Variants in LRRC37A2 observed in about 807,000 individuals in gnomAD.
LRRC37A2 encodes leucine-rich repeat-containing protein 37A2.
Under a neutral mutation model 68.8 loss-of-function variants are expected in LRRC37A2, and 9 were observed. The observed-to-expected ratio is 0.13, with a 90% CI of 0.08 to 0.23. LRRC37A2 has a LOEUF of 0.23. Ranked by LOEUF, LRRC37A2 falls within the 10% of genes least tolerant of loss-of-function variation. The pLI is 1.00. For synonymous variants in LRRC37A2, 63 were observed against 367.6 expected (o/e 0.17, Z 9.48); for missense variants, 168 against 950.4 (o/e 0.18, Z 10.82).
the LRRC37A2 span, chr17:46,872,454 C>T: frequency 7.0e-7 from 1 of 1,430,932 alleles, no homozygotes; most frequent in South Asian, 1.7e-5. Flanking sequence ...GGCCCCTTCC[C>T]TTCATTTGCC....
At chr17:46,827,680 C>A in the LRRC37A2 span, among the ~76,000 whole-genome samples, 1 of 152,198 alleles carries the variant, frequency 6.6e-6, no homozygotes, top group Admixed American at 6.5e-5. Flanking sequence ...CCTCACCCAT[C>A]ATGTCTAGTG....
At chr17:47,015,793 T>C in the LRRC37A2 span, among the ~76,000 whole-genome samples, 1 of 152,128 alleles carries the variant, frequency 6.6e-6, no homozygotes, top group African/African-American at 2.4e-5. Context: ...TAATTCAATT[T>C]AAATAAAACC....
the LRRC37A2 span, among the ~76,000 whole-genome samples, chr17:46,995,807 C>T: frequency 6.6e-6 from 1 of 152,214 alleles, no homozygotes; most frequent in South Asian, 2.1e-4. Flanking sequence ...CTCAACCCAA[C>T]TGAATCCTAT....
At chr17:47,004,718 C>A in the LRRC37A2 span, among the ~76,000 whole-genome samples, 3 of 152,166 alleles carry the variant, frequency 2.0e-5, no homozygotes, top group African/African-American at 7.2e-5. Context: ...TTTGTAGAGA[C>A]AGCGTCTCAC....
the LRRC37A2 span, among the ~76,000 whole-genome samples, chr17:46,691,918 A>G: frequency 6.6e-6 from 1 of 151,098 alleles, no homozygotes; most frequent in African/African-American, 2.5e-5. Context: ...ACACCCAGCT[A>G]ATTTTTGTAT....
At chr17:46,394,756 CAT>C in the LRRC37A2 span, among the ~76,000 whole-genome samples, 3 of 19,688 alleles carry the variant, frequency 1.5e-4, no homozygotes, top group East Asian at 1.7e-3. Context: ...AAAAACTAAA[CAT>C]AGAATAACTC....
the LRRC37A2 span, among the ~76,000 whole-genome samples, chr17:46,696,370 TC>T: frequency 1.4e-5 from 2 of 140,806 alleles, 1 homozygote; most frequent in African/African-American, 5.8e-5. Flanking sequence ...AGTCTAACCC[TC>T]CACGTGCAGT....
At chr17:47,039,924 G>A in the LRRC37A2 span, among the ~76,000 whole-genome samples, 11,723 of 150,952 alleles carry the variant, frequency 0.078, 720 homozygotes, top group Non-Finnish European at 0.11. Context: ...TTCTTTCTTC[G>A]GCCTGCTGTA....
the LRRC37A2 span, among the ~76,000 whole-genome samples, chr17:46,625,758 A>T: frequency 9.7e-6 from 1 of 103,176 alleles, no homozygotes; most frequent in Non-Finnish European, 1.7e-5. Context: ...TTAAAAAGAT[A>T]GTGAGCTAGG....
chr17:47,005,064 A>G, the LRRC37A2 span, among the ~76,000 whole-genome samples: 32 of 152,352 alleles, frequency 2.1e-4, no homozygotes, highest in African/African-American at 7.5e-4. Context: ...AATGTAATAC[A>G]CAAGTTCTCC....
chr17:46,780,076 A>G, the LRRC37A2 span, among the ~76,000 whole-genome samples: 1 of 152,166 alleles, frequency 6.6e-6, no homozygotes, highest in Non-Finnish European at 1.5e-5. Flanking sequence ...ATTTTTAGAG[A>G]ACATTTTTAA....
chr17:46,883,805 CCT>C, the LRRC37A2 span, among the ~76,000 whole-genome samples: 2 of 152,090 alleles, frequency 1.3e-5, no homozygotes, highest in Non-Finnish European at 2.9e-5. Flanking sequence ...CTTGTCTTCT[CCT>C]CTCTCTCTTT....
chr17:46,938,520 T>G, the LRRC37A2 span: 1 of 1,605,582 alleles, frequency 6.2e-7, no homozygotes. Flanking sequence ...TTGGCAAAGC[T>G]CCATCTCCTG....
At chr17:46,724,341 C>G in the LRRC37A2 span, among the ~76,000 whole-genome samples, 1 of 152,174 alleles carries the variant, frequency 6.6e-6, no homozygotes, top group African/African-American at 2.4e-5. Context: ...ACTACTATAT[C>G]TCCGTCATGG....
At chr17:46,997,541 G>T in the LRRC37A2 span, among the ~76,000 whole-genome samples, 1 of 152,102 alleles carries the variant, frequency 6.6e-6, no homozygotes, top group Non-Finnish European at 1.5e-5. Context: ...AATCTGATCA[G>T]GCCTCTAGAT....
chr17:47,015,561 C>A, the LRRC37A2 span, among the ~76,000 whole-genome samples: 1 of 152,042 alleles, frequency 6.6e-6, no homozygotes, highest in Non-Finnish European at 1.5e-5. Flanking sequence ...AAGCTCCTCA[C>A]GTGGCAAGCA....
At chr17:46,889,471 T>C in the LRRC37A2 span, among the ~76,000 whole-genome samples, 18 of 152,194 alleles carry the variant, frequency 1.2e-4, no homozygotes, top group Non-Finnish European at 2.1e-4. Context: ...AGCTTCATCA[T>C]GGCCTTAGTG....
At chr17:46,678,646 G>A in the LRRC37A2 span, among the ~76,000 whole-genome samples, 1 of 93,568 alleles carries the variant, frequency 1.1e-5, no homozygotes, top group Non-Finnish European at 2.1e-5. Flanking sequence ...TCCATAAATT[G>A]CAGAAATGAT....
the LRRC37A2 span, among the ~76,000 whole-genome samples, chr17:46,926,524 C>G: frequency 3.9e-5 from 6 of 152,278 alleles, no homozygotes; most frequent in Admixed American, 1.3e-4. Flanking sequence ...ATCACCCAAG[C>G]CCACCATGGA....
Sources: allele counts gnomAD v4.1 joint callset (sites outside exome capture counted in the v4.1 genomes callset), GRCh38; gene constraint gnomAD v4.1.1; transcripts MANE v1.5; gene names NCBI Gene and HGNC (gene_info 2026-07-23, HGNC 2026-07-21).